The following GRM7 variants were observed in gnomAD, a reference collection of about 807,000 sequenced individuals.
GRM7 encodes the protein metabotropic glutamate receptor 7.
A neutral mutation model predicts 84.5 loss-of-function variants in GRM7; 35 were observed. The observed-to-expected ratio is 0.41, with a 90% confidence interval of 0.32 to 0.55. The LOEUF (loss-of-function observed/expected upper bound fraction) is 0.55, where lower values mean the gene tolerates loss of function less well. Among genes scored for constraint, GRM7 ranks in the 20% least tolerant of loss-of-function variants. GRM7 has a pLI of 0.19. For missense variants in GRM7, 1,003 were observed against 1,194.6 expected, an observed-to-expected ratio of 0.84 and a Z score of 2.36; for synonymous variants, 487 against 455.1, an observed-to-expected ratio of 1.07 and a Z score of -0.89.
chr3:7,295,481 A>G (rs1185024547), intron 2 of GRM7, among the ~76,000 whole-genome samples: 1 of 152,086 alleles, frequency 6.6e-6, no homozygotes, highest in South Asian at 2.1e-4. Flanking sequence ...TTACCTTTCC[A>G]TATAAATGTT....
chr3:7,358,728 G>C (rs1170046065), intron 4 of GRM7, among the ~76,000 whole-genome samples: 1 of 151,316 alleles, frequency 6.6e-6, no homozygotes, highest in Non-Finnish European at 1.5e-5. Flanking sequence ...CTTCTCTTTT[G>C]AATACATATT....
At chr3:6,949,074 A>C (rs984479469) in intron 1 of GRM7, among the ~76,000 whole-genome samples, 2 of 152,140 alleles carry the variant, frequency 1.3e-5, no homozygotes, top group African/African-American at 4.8e-5. Flanking sequence ...TAGTATTGTT[A>C]TGTGTGAATT....
intron 1 of GRM7, among the ~76,000 whole-genome samples, chr3:7,000,940 C>T (rs917696475): frequency 2.0e-5 from 3 of 152,008 alleles, no homozygotes; most frequent in African/African-American, 7.3e-5. Flanking sequence ...CATCAATGAA[C>T]AGAAAAAACA....
At chr3:7,059,368 CT>C (rs1165732443) in intron 1 of GRM7, among the ~76,000 whole-genome samples, 1 of 151,748 alleles carries the variant, frequency 6.6e-6, no homozygotes, top group Non-Finnish European at 1.5e-5. Context: ...TTCTTTCCCC[CT>C]ACCATTGTTT....
chr3:7,171,099 A>C (rs1389391148), intron 2 of GRM7, among the ~76,000 whole-genome samples: 1 of 152,128 alleles, frequency 6.6e-6, no homozygotes, highest in African/African-American at 2.4e-5. Context: ...AAGGCTTAGA[A>C]ACAGAAATTT....
At chr3:7,347,437 T>A (rs1692941440) in intron 4 of GRM7, among the ~76,000 whole-genome samples, 1 of 152,184 alleles carries the variant, frequency 6.6e-6, no homozygotes, top group African/African-American at 2.4e-5. Context: ...CAATAAGATT[T>A]TCATGAGAGT....
intron 8 of GRM7, among the ~76,000 whole-genome samples, chr3:7,677,289 A>AACAAAAAAAC (rs1700172655): frequency 2.7e-5 from 4 of 146,754 alleles, no homozygotes; most frequent in African/African-American, 9.8e-5. Flanking sequence ...AAAAAAAAAA[A>AACAAAAAAAC]AAAAACTTAC....
intron 8 of GRM7, among the ~76,000 whole-genome samples, chr3:7,594,031 A>G (rs1448217929): frequency 6.6e-6 from 1 of 152,142 alleles, no homozygotes. Flanking sequence ...TATCAAATCA[A>G]TTATGTAGGC....
intron 7 of GRM7, among the ~76,000 whole-genome samples, chr3:7,536,194 G>A (rs982165574): frequency 6.6e-6 from 1 of 152,032 alleles, no homozygotes; most frequent in Non-Finnish European, 1.5e-5. Flanking sequence ...TCTTAATTTG[G>A]GTTTCCGAAT....
intron 4 of GRM7, among the ~76,000 whole-genome samples, chr3:7,352,438 T>C (rs933405522): frequency 3.3e-5 from 5 of 152,070 alleles, no homozygotes; most frequent in African/African-American, 1.2e-4. Context: ...GGATTTGAAC[T>C]CCAGGCTCCA....
intron 3 of GRM7, among the ~76,000 whole-genome samples, chr3:7,304,244 G>A (rs1251534745): frequency 6.9e-6 from 1 of 144,032 alleles, no homozygotes. Flanking sequence ...TGTGTTAAAT[G>A]TTAAAATTTT....
intron 8 of GRM7, among the ~76,000 whole-genome samples, chr3:7,669,183 A>T (rs1222089030): frequency 6.6e-6 from 1 of 152,136 alleles, no homozygotes; most frequent in African/African-American, 2.4e-5. Flanking sequence ...TATGCAGCGA[A>T]TAATCACAAA....
At chr3:7,645,187 A>G (rs1698564469) in intron 8 of GRM7, among the ~76,000 whole-genome samples, 1 of 151,992 alleles carries the variant, frequency 6.6e-6, no homozygotes, top group Non-Finnish European at 1.5e-5. Flanking sequence ...TATACCTCAC[A>G]TTTTCCTAAA....
intron 1 of GRM7, among the ~76,000 whole-genome samples, chr3:7,113,707 T>C (rs1692936904): frequency 6.6e-6 from 1 of 152,186 alleles, no homozygotes; most frequent in Non-Finnish European, 1.5e-5. Flanking sequence ...TAATGGTGCA[T>C]CTTATTAGTA....
At chr3:7,435,679 GTTTTTTTTTTT>G (rs71066011) in intron 5 of GRM7, among the ~76,000 whole-genome samples, 31 of 88,542 alleles carry the variant, frequency 3.5e-4, no homozygotes, top group African/African-American at 5.8e-4. Flanking sequence ...CATCCGGCTA[GTTTTTTTTTTT>G]TTTTTTTTTT....
chr3:7,078,758 T>C (rs1698177763), intron 1 of GRM7, among the ~76,000 whole-genome samples: 1 of 152,142 alleles, frequency 6.6e-6, no homozygotes, highest in Admixed American at 6.6e-5. Flanking sequence ...GAATAATGAA[T>C]GACTTAGTAA....
intron 1 of GRM7, among the ~76,000 whole-genome samples, chr3:6,921,602 A>G (rs1038486487): frequency 6.6e-6 from 1 of 152,072 alleles, no homozygotes; most frequent in Non-Finnish European, 1.5e-5. Context: ...AAAGCCATCT[A>G]TCTAGTATTC....
chr3:7,000,138 C>T (rs377314022), intron 1 of GRM7, among the ~76,000 whole-genome samples: 37 of 148,184 alleles, frequency 2.5e-4, no homozygotes, highest in African/African-American at 8.7e-4. Context: ...AATATAAATG[C>T]CATGACAACA....
At chr3:7,667,069 C>A (rs1170758644) in intron 8 of GRM7, among the ~76,000 whole-genome samples, 2 of 151,948 alleles carry the variant, frequency 1.3e-5, no homozygotes, top group African/African-American at 4.8e-5. Flanking sequence ...AGTTTGAAGT[C>A]ATCTGGGCAA....
Sources: allele counts gnomAD v4.1 joint callset (sites outside exome capture counted in the v4.1 genomes callset), GRCh38; gene constraint gnomAD v4.1.1; transcripts MANE v1.5; gene names NCBI Gene and HGNC (gene_info 2026-07-23, HGNC 2026-07-21).